Variants in PRRX1 observed in about 807,000 individuals in gnomAD.
The protein encoded by PRRX1 is paired related homeobox 1.
Under a neutral mutation model 24.0 loss-of-function variants are expected in PRRX1, and 8 were observed. That is an observed-to-expected ratio of 0.33 (90% confidence interval 0.20 to 0.60). PRRX1 has a LOEUF of 0.60. Ranked by LOEUF, PRRX1 falls within the 20% of genes least tolerant of loss-of-function variation. The pLI, the probability that PRRX1 is intolerant of heterozygous loss-of-function variation, is 0.82. For missense variants in PRRX1, 281 were observed against 322.4 expected (o/e 0.87, Z 0.98); for synonymous variants, 160 against 131.7 (o/e 1.22, Z -1.47).
intron 1 of PRRX1, among the ~76,000 whole-genome samples, chr1:170,676,388 T>C (rs1252754490): frequency 1.3e-5 from 2 of 152,038 alleles, no homozygotes; most frequent in Non-Finnish European, 2.9e-5. Context: ...AATATCTGTT[T>C]TCTGAACTGT....
At chr1:170,722,945 A>G (rs1335592272) in intron 2 of PRRX1, among the ~76,000 whole-genome samples, 1 of 152,218 alleles carries the variant, frequency 6.6e-6, no homozygotes, top group Non-Finnish European at 1.5e-5. Flanking sequence ...ACAGGGTAGG[A>G]GCTGGAGCTC....
chr1:170,702,040 T>G (rs1026304831), intron 1 of PRRX1, among the ~76,000 whole-genome samples: 2 of 152,182 alleles, frequency 1.3e-5, no homozygotes, highest in Non-Finnish European at 2.9e-5. Context: ...GGTTTTGGAA[T>G]GAAACTTCCT....
chr1:170,698,609 G>A (rs1025936236), intron 1 of PRRX1, among the ~76,000 whole-genome samples: 4 of 152,056 alleles, frequency 2.6e-5, no homozygotes, highest in Admixed American at 6.6e-5. Flanking sequence ...GAGTAACACC[G>A]TATTATTTCT....
chr1:170,697,438 G>A (rs1365795660), intron 1 of PRRX1, among the ~76,000 whole-genome samples: 1 of 151,816 alleles, frequency 6.6e-6, no homozygotes, highest in Admixed American at 6.6e-5. Flanking sequence ...AATAATACAT[G>A]TAAGACAAGC....
intron 2 of PRRX1, among the ~76,000 whole-genome samples, chr1:170,721,447 C>T (rs1655081523): frequency 6.6e-6 from 1 of 152,154 alleles, no homozygotes; most frequent in Admixed American, 6.5e-5. Context: ...AGGCACAGTA[C>T]ACAGTGGGAG....
intron 1 of PRRX1, among the ~76,000 whole-genome samples, chr1:170,705,563 G>A (rs973125217): frequency 3.9e-5 from 6 of 152,150 alleles, no homozygotes; most frequent in African/African-American, 1.4e-4. Context: ...AATTACAGGT[G>A]TAAGCCACCT....
chr1:170,692,436 T>A (rs768205090), intron 1 of PRRX1, among the ~76,000 whole-genome samples: 3 of 152,104 alleles, frequency 2.0e-5, no homozygotes, highest in Non-Finnish European at 4.4e-5. Context: ...TATTTTACAA[T>A]GTAGCTAACT....
chr1:170,671,311 G>C (rs1180552349), intron 1 of PRRX1, among the ~76,000 whole-genome samples: 1 of 152,212 alleles, frequency 6.6e-6, no homozygotes. Context: ...ATGGGTGGAA[G>C]AGTAATTAAC....
rs140259173 is a variant in PRRX1, at chr1:170,674,450, C to T, written c.241+9991C>T. On this transcript the variant is annotated intron_variant, in intron 1 of 3. Transcript: ENST00000239461. The stretch of plus-strand genomic sequence containing the variant: ...CTTCCAAGATTCTGCTCCCATCACA[C>T]CTCCTTGCGAAACCTTCTCTGACTA... Among the ~76,000 whole-genome samples, 326 of 152,318 alleles carry T rather than the reference C, an allele frequency of 2.1e-3. 3 individuals are homozygous for T. The highest frequency in any genetic ancestry group is 7.5e-3 in the African/African-American group (310 of 41,562).
Position 170,680,253 on chromosome 1 carries a change from T to A in PRRX1, c.241+15794T>A, listed in dbSNP as rs192363284. On this transcript the variant is annotated intron_variant, in intron 1 of 3. Transcript: ENST00000239461. ...GTATTTGTTCATCTGCCCTGAATGA[T>A]AGACCAATGAATGAATTAAAAGGAA... Among the ~76,000 whole-genome samples the A allele has an allele frequency of 1.6e-3, 244 of 152,304 alleles. 3 individuals carry two copies. Among genetic ancestry groups the A allele is most frequent in the African/African-American group, 5.8e-3 (239 of 41,548 alleles).
rs904717214 is a variant in PRRX1, at chr1:170,699,534, G to T, written c.242-20192G>T. Among the ~76,000 whole-genome samples the T allele has an allele frequency of 7.2e-5, 11 of 152,124 alleles. No individual in the cohort carries two copies. In the South Asian group the frequency reaches 2.1e-3, roughly 29 times the overall value. On this transcript the variant is annotated intron_variant, in intron 1 of 3. Coordinates refer to ENST00000239461, the MANE Select transcript of PRRX1 (RefSeq NM_022716.4). ...TTATGGGCAATGGGATTGGGGAAAG[G>T]CTTCCCCAAGGGTCTGTGCACCACA...
At chr1:170,735,556 T>C (rs35076444) in intron 3 of PRRX1, among the ~76,000 whole-genome samples, 2 of 152,214 alleles carry the variant, frequency 1.3e-5, no homozygotes, top group Non-Finnish European at 2.9e-5. Context: ...TTTATTATGG[T>C]ATTTATTATC....
chr1:170,722,040 G>T (rs1655102434), intron 2 of PRRX1, among the ~76,000 whole-genome samples: 1 of 151,268 alleles, frequency 6.6e-6, no homozygotes, highest in Non-Finnish European at 1.5e-5. Flanking sequence ...ATCATGACAG[G>T]GAAATACCTT....
At chr1:170,676,901 T>A (rs770953401) in intron 1 of PRRX1, among the ~76,000 whole-genome samples, 50 of 152,184 alleles carry the variant, frequency 3.3e-4, no homozygotes, top group Admixed American at 2.3e-3. Flanking sequence ...ATTATAAAAT[T>A]GGCATGTGAC....
In PRRX1 at chr1:170,689,018, A is replaced by G. The variant is rs145275367; in HGVS notation, c.241+24559A>G. Among the ~76,000 whole-genome samples, 635 of 152,252 alleles carry G rather than the reference A, an allele frequency of 4.2e-3. 2 individuals are homozygous for G. The highest frequency in any genetic ancestry group is 0.014 in the African/African-American group (602 of 41,550). On this transcript the variant is annotated intron_variant, in intron 1 of 3. Coordinates refer to ENST00000239461, the MANE Select transcript of PRRX1 (RefSeq NM_022716.4). ...AATGAGATGAAAGATTAACTGAGCT[A>G]AACATAGATATTTGAGACTTTTTCT...
intron 1 of PRRX1, among the ~76,000 whole-genome samples, chr1:170,701,473 G>A (rs1434089242): frequency 6.6e-6 from 1 of 152,132 alleles, no homozygotes; most frequent in East Asian, 1.9e-4. Flanking sequence ...CCTTGGGCAT[G>A]AAATCAGTTT....
intron 1 of PRRX1, among the ~76,000 whole-genome samples, chr1:170,698,835 G>A (rs1654258914): frequency 6.6e-6 from 1 of 152,128 alleles, no homozygotes; most frequent in Non-Finnish European, 1.5e-5. Flanking sequence ...AGGAGAGTCA[G>A]TCCTGAGAGG....
intron 1 of PRRX1, among the ~76,000 whole-genome samples, chr1:170,691,319 G>A (rs779389589): frequency 6.6e-6 from 1 of 152,056 alleles, no homozygotes; most frequent in Non-Finnish European, 1.5e-5. Flanking sequence ...ACTGTTGATG[G>A]ATTTAATCAG....
chr1:170,720,143 T>C (rs961757259), intron 2 of PRRX1, among the ~76,000 whole-genome samples: 4 of 152,126 alleles, frequency 2.6e-5, no homozygotes, highest in Non-Finnish European at 5.9e-5. Flanking sequence ...CCAGGCATGA[T>C]GCTGCGTGCC....
Sources: allele counts gnomAD v4.1 joint callset (sites outside exome capture counted in the v4.1 genomes callset), GRCh38; gene constraint gnomAD v4.1.1; transcripts MANE v1.5; gene names NCBI Gene and HGNC (gene_info 2026-07-23, HGNC 2026-07-21).